SNTG1: variants seen among roughly 807,000 people sequenced by gnomAD.
The protein encoded by SNTG1 is gamma-1-syntrophin.
SNTG1 carries 39 observed loss-of-function variants against 74.7 expected under a neutral mutation model. The ratio of observed to expected loss-of-function variants is 0.52; its 90% CI spans 0.40 to 0.68. The LOEUF is 0.68. Ranked by LOEUF, SNTG1 falls within the 30% of genes least tolerant of loss-of-function variation. The probability of loss-of-function intolerance (pLI) is 0.00; values close to 1 mark genes in which losing one functional copy is unlikely to be tolerated. For synonymous variants in SNTG1, 254 were observed against 217.1 expected (o/e 1.17, Z -1.49); for missense variants, 685 against 609.5 (o/e 1.12, Z -1.30).
chr8:50,523,717 G>A (rs1294670743), intron 9 of SNTG1, among the ~76,000 whole-genome samples: 1 of 152,094 alleles, frequency 6.6e-6, no homozygotes, highest in Non-Finnish European at 1.5e-5. Context: ...TAATAATAAT[G>A]AAAAAGTTGA....
At chr8:50,350,459 A>G (rs1286514647) in intron 2 of SNTG1, among the ~76,000 whole-genome samples, 1 of 152,220 alleles carries the variant, frequency 6.6e-6, no homozygotes, top group African/African-American at 2.4e-5. Context: ...CTCTGTATCT[A>G]GTTCAAAGTT....
chr8:50,147,909 G>T (rs1265350946), intron 1 of SNTG1, among the ~76,000 whole-genome samples: 1 of 152,116 alleles, frequency 6.6e-6, no homozygotes, highest in Non-Finnish European at 1.5e-5. Flanking sequence ...TGGAAAAATG[G>T]CTGATTCTCT....
intron 2 of SNTG1, among the ~76,000 whole-genome samples, chr8:50,293,743 G>C (rs1324665138): frequency 6.6e-6 from 1 of 151,910 alleles, no homozygotes; most frequent in Non-Finnish European, 1.5e-5. Flanking sequence ...CCTCTTTAAA[G>C]ACCTTATCTC....
intron 2 of SNTG1, among the ~76,000 whole-genome samples, chr8:50,181,956 T>C (rs906550481): frequency 6.6e-6 from 1 of 152,116 alleles, no homozygotes; most frequent in Non-Finnish European, 1.5e-5. Flanking sequence ...TTGAAATAAA[T>C]GTTGTGACAG....
intron 4 of SNTG1, among the ~76,000 whole-genome samples, chr8:50,403,902 G>T (rs1214193279): frequency 6.6e-6 from 1 of 152,110 alleles, no homozygotes; most frequent in African/African-American, 2.4e-5. Flanking sequence ...AGCAAGTCAA[G>T]GATAATACCT....
In SNTG1 at chr8:50,482,431, A is replaced by G. The variant is rs570161918; in HGVS notation, c.364-20347A>G. The stretch of plus-strand genomic sequence containing the variant: ...CTTTGCAAAGGAAATGTTTGTGAGA[A>G]TTACCCTCAGTAGTTTTTGTAACAC... On this transcript the variant is annotated intron_variant, in intron 8 of 18. Transcript: ENST00000642720. 3.0e-4 allele frequency among the ~76,000 whole-genome samples: 46 copies of G among 152,306 alleles called. 1 individual carries two copies. In the South Asian group the frequency reaches 9.3e-3, roughly 31 times the overall value.
chr8:49,918,663 C>A (rs983468740), intron 1 of SNTG1, among the ~76,000 whole-genome samples: 5 of 152,062 alleles, frequency 3.3e-5, no homozygotes, highest in Non-Finnish European at 7.4e-5. Context: ...CACAACCGCA[C>A]AAACACAGGG....
intron 15 of SNTG1, among the ~76,000 whole-genome samples, chr8:50,696,746 G>A (rs1034093045): frequency 6.6e-6 from 1 of 151,756 alleles, no homozygotes; most frequent in Non-Finnish European, 1.5e-5. Flanking sequence ...CTTGGCTGTG[G>A]CATCACTTGA....
In SNTG1 at chr8:50,449,685, C is replaced by G; in HGVS notation, c.237C>G (p.Asn79Lys). ...CTTTTCAGGGAGGAGCAGAACATAA[C>G]ATTCCAGTTGTCGTTTCAAAAATCT... The part of the protein sequence containing the change: ...GLSIKGGAEH[N>K]IPVVVSKISK... The change falls in exon 6 of 19, where the codon AAC becomes AAG. Residue 79 changes from asparagine (N) to lysine (K), a missense_variant. Transcript: ENST00000642720. 6.3e-7 allele frequency: 1 copy of G among 1,598,138 alleles called. No individual in the cohort carries two copies. Among genetic ancestry groups the G allele is most frequent in the Non-Finnish European group, 8.5e-7 (1 of 1,170,994 alleles).
At chr8:50,725,669 C>T (rs2095498383) in intron 17 of SNTG1, among the ~76,000 whole-genome samples, 1 of 152,150 alleles carries the variant, frequency 6.6e-6, no homozygotes, top group Admixed American at 6.6e-5. Context: ...TTGCAGCAAG[C>T]AGGCTGTTAC....
At chr8:50,191,605 A>C (rs1563720244) in intron 2 of SNTG1, among the ~76,000 whole-genome samples, 1 of 152,154 alleles carries the variant, frequency 6.6e-6, no homozygotes, top group Non-Finnish European at 1.5e-5. Context: ...ACATATGCAG[A>C]ACATACAGGT....
chr8:50,364,922 GA>G (rs1035893554), intron 2 of SNTG1, among the ~76,000 whole-genome samples: 27 of 151,930 alleles, frequency 1.8e-4, no homozygotes, highest in African/African-American at 6.3e-4. Flanking sequence ...TTTTCAAACA[GA>G]AAAAATCATT....
At chr8:50,221,512 T>TACACACACACACAC (rs71550218) in intron 2 of SNTG1, among the ~76,000 whole-genome samples, 4 of 130,110 alleles carry the variant, frequency 3.1e-5, no homozygotes, top group African/African-American at 1.1e-4. Context: ...AACACACACA[T>TACACACACACACAC]ACACACACAC....
rs548976333 is a variant in SNTG1 at position 50,756,824 on chromosome 8, G to T, written c.1395+4713G>T. Reference sequence around the variant, plus strand: ...AAAATTACTTGCTGGAATTTTGATTGGAATTTTATTAAATCTGTAGTTCAA... The same window carrying T: ...AAAATTACTTGCTGGAATTTTGATTTGAATTTTATTAAATCTGTAGTTCAA... On this transcript the variant is annotated intron_variant, in intron 18 of 18. Coordinates refer to ENST00000642720, the MANE Select transcript of SNTG1 (RefSeq NM_018967.5). 3.3e-5 allele frequency among the ~76,000 whole-genome samples: 5 copies of T among 151,592 alleles called. No individual in the cohort carries two copies. In the South Asian group the frequency reaches 6.2e-4, roughly 19 times the overall value.
intron 2 of SNTG1, among the ~76,000 whole-genome samples, chr8:50,390,809 G>A (rs573383499): frequency 2.0e-5 from 3 of 152,180 alleles, no homozygotes; most frequent in Admixed American, 6.5e-5. Context: ...TGGATTCCTA[G>A]GTATTTTATT....
chr8:49,961,397 T>C (rs1810671159), intron 1 of SNTG1, among the ~76,000 whole-genome samples: 1 of 152,194 alleles, frequency 6.6e-6, no homozygotes. Context: ...AAAAGAATAA[T>C]TGGTGCTTTC....
intron 2 of SNTG1, among the ~76,000 whole-genome samples, chr8:50,382,887 C>T (rs1034398689): frequency 2.6e-5 from 4 of 152,158 alleles, no homozygotes; most frequent in African/African-American, 9.7e-5. Context: ...AGAATGGAAA[C>T]TCTTGGGCAG....
chr8:50,477,369 G>A (rs2093705043), intron 8 of SNTG1, among the ~76,000 whole-genome samples: 2 of 151,786 alleles, frequency 1.3e-5, no homozygotes, highest in South Asian at 4.2e-4. Flanking sequence ...TTATTTCTGT[G>A]GTCCCCTTCC....
intron 13 of SNTG1, among the ~76,000 whole-genome samples, chr8:50,647,513 G>A (rs759186780): frequency 6.6e-6 from 1 of 151,740 alleles, no homozygotes; most frequent in African/African-American, 2.4e-5. Flanking sequence ...CATTCTGTTG[G>A]GGTATTTTGC....
Sources: gnomAD v4.1 joint callset for allele counts (sites outside exome capture counted in the v4.1 genomes callset) on GRCh38, gnomAD v4.1.1 for gene constraint, MANE v1.5 for transcripts, NCBI Gene and HGNC (gene_info 2026-07-23, HGNC 2026-07-21) for gene names.